The following CSMD1 variants were observed in gnomAD, a reference collection of about 807,000 sequenced individuals.
CSMD1 encodes the protein CUB and sushi domain-containing protein 1.
A neutral mutation model predicts 417.5 loss-of-function variants in CSMD1; 213 were observed. That is an observed-to-expected ratio of 0.51 (90% CI 0.46 to 0.57). The LOEUF is 0.57. Among genes scored for constraint, CSMD1 ranks in the 20% least tolerant of loss-of-function variants. The pLI is 0.00. For synonymous variants in CSMD1, 2,862 were observed against 1,736.8 expected (o/e 1.65, Z -16.11); for missense variants, 6,923 against 4,529.7 (o/e 1.53, Z -15.17).
At chr8:3,039,070 G>A (rs1461945841) in intron 50 of CSMD1, among the ~76,000 whole-genome samples, 1 of 152,334 alleles carries the variant, frequency 6.6e-6, no homozygotes, top group East Asian at 1.9e-4. Context: ...AACCCAGGCA[G>A]CAGAGTGGGA....
intron 5 of CSMD1, among the ~76,000 whole-genome samples, chr8:3,811,788 C>G (rs1006928420): frequency 3.3e-5 from 5 of 152,062 alleles, no homozygotes; most frequent in Admixed American, 6.6e-5. Context: ...TGAGGAGAAT[C>G]AGTGCTATGT....
intron 18 of CSMD1, 113 bp from the exon 19 acceptor site, chr8:3,369,483 A>C: frequency 1.6e-6 from 1 of 615,370 alleles, no homozygotes; most frequent in South Asian, 2.0e-5. Context: ...ATTTAATGTC[A>C]TATCCAAGAA....
rs981039423 is a variant in CSMD1 at position 3,740,559 on chromosome 8, G to T, written c.931+13371C>A. Among the ~76,000 whole-genome samples, 6 of 152,278 alleles carry T rather than the reference G, an allele frequency of 3.9e-5. No individual in the cohort carries two copies. The South Asian group carries it at 8.3e-4, about 21-fold the overall frequency. The stretch of plus-strand genomic sequence containing the variant: ...GGAAAGGAGAAGGATTTCTGCCACA[G>T]GGAAAGTTATATGGCACACACAGGA... On this transcript the variant is annotated intron_variant, in intron 6 of 69. Transcript: ENST00000635120.
chr8:4,133,476 G>C (rs999797947), intron 3 of CSMD1, among the ~76,000 whole-genome samples: 2 of 152,172 alleles, frequency 1.3e-5, no homozygotes, highest in East Asian at 1.9e-4. Context: ...CCCCAAATCA[G>C]CTAGTATAGA....
intron 2 of CSMD1, among the ~76,000 whole-genome samples, chr8:4,571,067 A>G (rs1045355683): frequency 1.3e-5 from 2 of 151,834 alleles, no homozygotes; most frequent in Non-Finnish European, 2.9e-5. Context: ...GCAGTCTATC[A>G]ATTTGTTAAT....
intron 1 of CSMD1, among the ~76,000 whole-genome samples, chr8:4,794,170 T>C (rs1383446045): frequency 6.6e-6 from 1 of 152,194 alleles, no homozygotes; most frequent in African/African-American, 2.4e-5. Flanking sequence ...ATTGTTCTCT[T>C]CAATTGTTAA....
At chr8:3,264,622 A>G (rs1481846237) in intron 26 of CSMD1, among the ~76,000 whole-genome samples, 2 of 152,234 alleles carry the variant, frequency 1.3e-5, no homozygotes, top group East Asian at 3.8e-4. Context: ...TATAAATCGA[A>G]CTGCTTTTGT....
chr8:4,507,918 G>A (rs917762485), intron 2 of CSMD1, among the ~76,000 whole-genome samples: 1 of 152,096 alleles, frequency 6.6e-6, no homozygotes, highest in African/African-American at 2.4e-5. Flanking sequence ...GGAATTATGT[G>A]AATAGGCAGT....
chr8:4,592,776 T>TA (rs1800057674), intron 2 of CSMD1, among the ~76,000 whole-genome samples: 1 of 152,218 alleles, frequency 6.6e-6, no homozygotes, highest in Non-Finnish European at 1.5e-5. Context: ...TATACTTAGT[T>TA]AAAATATTGT....
chr8:4,338,086 C>G (rs1217136637), intron 3 of CSMD1, among the ~76,000 whole-genome samples: 1 of 152,084 alleles, frequency 6.6e-6, no homozygotes, highest in Non-Finnish European at 1.5e-5. Context: ...AATACATGCA[C>G]TTTTATGTGT....
rs140709076 is a variant in CSMD1 at position 4,648,585 on chromosome 8, A to ATT, written c.86-11029_86-11028dup. Among the ~76,000 whole-genome samples, 4 of 151,568 alleles carry ATT rather than the reference A, an allele frequency of 2.6e-5. No homozygotes were observed. The East Asian group carries it at 5.8e-4, about 22-fold the overall frequency. On this transcript the variant is annotated intron_variant, in intron 1 of 69. Coordinates refer to ENST00000635120, the MANE Select transcript of CSMD1 (RefSeq NM_033225.6). ...AGTGTCTATCTGCACAAAAAATGTG[A>ATT]TTTTTTTTTGCACAGTGGCTGCATG...
At chr8:3,604,791 A>G (rs1230393684) in intron 8 of CSMD1, among the ~76,000 whole-genome samples, 1 of 152,036 alleles carries the variant, frequency 6.6e-6, no homozygotes, top group Non-Finnish European at 1.5e-5. Flanking sequence ...TGCTTGTGGT[A>G]TCCAAGGGCA....
At chr8:4,417,525 A>C (rs189089315) in intron 3 of CSMD1, among the ~76,000 whole-genome samples, 1 of 152,180 alleles carries the variant, frequency 6.6e-6, no homozygotes, top group Admixed American at 6.5e-5. Context: ...TAAATAAAAA[A>C]ACATGAATTT....
At chr8:2,998,836 TA>T (rs750088338) in intron 53 of CSMD1, among the ~76,000 whole-genome samples, 91 of 152,352 alleles carry the variant, frequency 6.0e-4, no homozygotes, top group Non-Finnish European at 1.0e-3. Context: ...ACTACAGTCA[TA>T]AAACTGGTGT....
chr8:4,188,403 T>C (rs1052319720), intron 3 of CSMD1, among the ~76,000 whole-genome samples: 3 of 152,188 alleles, frequency 2.0e-5, no homozygotes, highest in Admixed American at 6.5e-5. Context: ...AACATTCGTA[T>C]ATTGCCTCAG....
rs185511542 is a variant in CSMD1, at chr8:3,256,105, A to G, written c.4154-25874T>C. ...GACTTTGGGGGGCTGAGGCAGACCA[A>G]TCACCTGAGGTCAGGAGTTCCAGAC... is the stretch of plus-strand genomic sequence containing the variant. On this transcript the variant is annotated intron_variant, in intron 26 of 69. Coordinates refer to ENST00000635120, the MANE Select transcript of CSMD1 (RefSeq NM_033225.6). Among the ~76,000 whole-genome samples, 622 of 152,214 alleles carry G rather than the reference A, an allele frequency of 4.1e-3. 1 individual carries two copies. Among genetic ancestry groups the G allele is most frequent in the Non-Finnish European group, 7.1e-3 (484 of 68,016 alleles).
intron 6 of CSMD1, among the ~76,000 whole-genome samples, chr8:3,719,649 C>A (rs769882948): frequency 1.3e-5 from 2 of 152,036 alleles, no homozygotes; most frequent in Non-Finnish European, 2.9e-5. Flanking sequence ...CTGGGTAGGG[C>A]GGTCAGATGA....
At chr8:3,019,514 G>C (rs1220833134) in intron 51 of CSMD1, among the ~76,000 whole-genome samples, 1 of 152,128 alleles carries the variant, frequency 6.6e-6, no homozygotes, top group Non-Finnish European at 1.5e-5. Context: ...CAGTTTATTT[G>C]TTTTTTTAGT....
At chr8:3,662,912 G>A (rs1490901505) in intron 7 of CSMD1, among the ~76,000 whole-genome samples, 3 of 152,042 alleles carry the variant, frequency 2.0e-5, no homozygotes, top group South Asian at 2.1e-4. Context: ...CCTAGATGAT[G>A]GGTTGATAGG....
Sources: gnomAD v4.1 joint callset for allele counts (sites outside exome capture counted in the v4.1 genomes callset) on GRCh38, gnomAD v4.1.1 for gene constraint, MANE v1.5 for transcripts, NCBI Gene and HGNC (gene_info 2026-07-23, HGNC 2026-07-21) for gene names.